Variants in CCDC181 observed in about 807,000 individuals in gnomAD.
CCDC181 encodes the protein coiled-coil domain containing 181, also known as coiled-coil domain-containing protein 181.
CCDC181 carries 35 observed loss-of-function variants against 58.7 expected under a neutral mutation model. The ratio of observed to expected loss-of-function variants is 0.60; its 90% CI spans 0.46 to 0.79. CCDC181 has a LOEUF of 0.79. CCDC181 is among the 30% of genes least tolerant of loss of function. The pLI is 0.00. For synonymous variants in CCDC181, 183 were observed against 197.5 expected, an observed-to-expected ratio of 0.93 and a Z score of 0.62; for missense variants, 517 against 583.9, an observed-to-expected ratio of 0.89 and a Z score of 1.18.
At chr1:169,442,318 G>A (rs754084102) in intron 2 of CCDC181, among the ~76,000 whole-genome samples, 14 of 151,770 alleles carry the variant, frequency 9.2e-5, no homozygotes, top group Non-Finnish European at 1.8e-4. Flanking sequence ...TTCCTTAGGA[G>A]TCAATTACTT....
intron 3 of CCDC181, among the ~76,000 whole-genome samples, chr1:169,420,363 T>C (rs2102087798): frequency 6.6e-6 from 1 of 151,910 alleles, no homozygotes; most frequent in Non-Finnish European, 1.5e-5. Flanking sequence ...CTGAGTGTGC[T>C]AGAGGTTACA....
intron 4 of CCDC181, among the ~76,000 whole-genome samples, chr1:169,406,706 A>C (rs920613216): frequency 6.6e-6 from 1 of 152,158 alleles, no homozygotes; most frequent in Non-Finnish European, 1.5e-5. Flanking sequence ...TAACGGGTGC[A>C]GCACACCAAC....
intron 2 of CCDC181, among the ~76,000 whole-genome samples, chr1:169,438,118 T>C (rs1242788873): frequency 6.6e-6 from 1 of 152,064 alleles, no homozygotes; most frequent in Non-Finnish European, 1.5e-5. Flanking sequence ...TCCTGTGATA[T>C]CCCTCTCTCC....
At chr1:169,395,326 G>A (rs2102030067) in intron 5 of CCDC181, 120 bp from the exon 6 acceptor site, 1 of 865,596 alleles carries the variant, frequency 1.2e-6, no homozygotes, top group Non-Finnish European at 1.6e-6. Flanking sequence ...TACTGTCACA[G>A]CACAAATTTT....
At chr1:169,458,983 T>C (rs1168902337) in intron 2 of CCDC181, among the ~76,000 whole-genome samples, 1 of 152,090 alleles carries the variant, frequency 6.6e-6, no homozygotes, top group African/African-American at 2.4e-5. Context: ...ATCATGCATA[T>C]GGGATTGCAG....
intron 2 of CCDC181, among the ~76,000 whole-genome samples, chr1:169,456,526 A>G (rs539175682): frequency 3.9e-4 from 59 of 152,256 alleles, no homozygotes; most frequent in Non-Finnish European, 7.1e-4. Flanking sequence ...TTATTGAGAG[A>G]TGGGGCCTGC....
intron 2 of CCDC181, among the ~76,000 whole-genome samples, chr1:169,432,546 T>G (rs1269841139): frequency 6.6e-6 from 1 of 152,124 alleles, no homozygotes; most frequent in African/African-American, 2.4e-5. Context: ...ATATTATCCA[T>G]CTAACTGTCA....
chr1:169,416,252 C>G (rs188686916), intron 4 of CCDC181, among the ~76,000 whole-genome samples: 1 of 152,234 alleles, frequency 6.6e-6, no homozygotes, highest in Admixed American at 6.5e-5. Context: ...TCCCATGTAG[C>G]TCTCAGGTGG....
At chr1:169,448,352 TTCTTACAGGGTAGA>T (rs1354178866) in intron 2 of CCDC181, among the ~76,000 whole-genome samples, 2 of 152,322 alleles carry the variant, frequency 1.3e-5, no homozygotes, top group East Asian at 3.8e-4. Context: ...CTTTTAATAT[TTCTTACAGGGTAGA>T]TCTGCTTGCA....
At chr1:169,409,373 A>G (rs747635483) in intron 4 of CCDC181, among the ~76,000 whole-genome samples, 2 of 152,246 alleles carry the variant, frequency 1.3e-5, no homozygotes, top group Non-Finnish European at 2.9e-5. Flanking sequence ...TTGGCCTCCA[A>G]GAAATATGGA....
At chr1:169,452,859 A>C (rs1404940416) in intron 2 of CCDC181, 1 of 152,116 alleles carries the variant, frequency 6.6e-6, no homozygotes, top group East Asian at 1.9e-4. Context: ...TTGAATTAAA[A>C]ATTATTTTCC....
intron 1 of CCDC181, among the ~76,000 whole-genome samples, chr1:169,426,518 C>G (rs1163260061): frequency 6.6e-6 from 1 of 152,156 alleles, no homozygotes; most frequent in Admixed American, 6.5e-5. Flanking sequence ...TGGTAAATCC[C>G]ATGTGGATAG....
chr1:169,395,918 A>G (rs1225911014), intron 5 of CCDC181: 1 of 150,762 alleles, frequency 6.6e-6, no homozygotes, highest in African/African-American at 2.4e-5. Flanking sequence ...TAACTGTATT[A>G]GAAAAAAAAG....
chr1:169,458,476 G>A (rs1012625638), intron 2 of CCDC181, among the ~76,000 whole-genome samples: 5 of 152,058 alleles, frequency 3.3e-5, no homozygotes, highest in African/African-American at 7.2e-5. Flanking sequence ...AAGGCACACA[G>A]GGGAAATCTA....
chr1:169,426,526 T>C (rs1656719805), intron 1 of CCDC181, among the ~76,000 whole-genome samples: 1 of 152,216 alleles, frequency 6.6e-6, no homozygotes, highest in Non-Finnish European at 1.5e-5. Context: ...CCCATGTGGA[T>C]AGGTGAACTG....
At chr1:169,428,618 T>G (rs1656811177), upstream of CCDC181, among the ~76,000 whole-genome samples, 1 of 152,104 alleles carries the variant, frequency 6.6e-6, no homozygotes, top group Non-Finnish European at 1.5e-5. Flanking sequence ...CAGTGTACAC[T>G]GTACCCAATA....
At chr1:169,440,782 A>G (rs1657200435) in intron 2 of CCDC181, among the ~76,000 whole-genome samples, 1 of 151,868 alleles carries the variant, frequency 6.6e-6, no homozygotes, top group Non-Finnish European at 1.5e-5. Flanking sequence ...ACAAAACAAA[A>G]AAATAGCCAG....
chr1:169,448,831 T>G (rs1657453523), intron 2 of CCDC181, among the ~76,000 whole-genome samples: 1 of 152,216 alleles, frequency 6.6e-6, no homozygotes, highest in Admixed American at 6.5e-5. Context: ...TCCACAGTTC[T>G]TGGGTGTTCT....
intron 4 of CCDC181, among the ~76,000 whole-genome samples, chr1:169,404,570 T>A (rs1571467516): frequency 6.6e-6 from 1 of 152,186 alleles, no homozygotes; most frequent in East Asian, 1.9e-4. Context: ...CACATGATTA[T>A]CTCAATAGAT....
Sources: gnomAD v4.1 joint callset for allele counts (sites outside exome capture counted in the v4.1 genomes callset) on GRCh38, gnomAD v4.1.1 for gene constraint, MANE v1.5 for transcripts, NCBI Gene and HGNC (gene_info 2026-07-23, HGNC 2026-07-21) for gene names.